WDR75: variants seen among roughly 807,000 people sequenced by gnomAD.
WDR75 encodes WD repeat domain 75.
In WDR75, 52 loss-of-function variants were observed where a neutral mutation model predicts 106.1. The observed-to-expected ratio is 0.49, with a 90% CI of 0.39 to 0.62. The LOEUF (loss-of-function observed/expected upper bound fraction) is 0.62. Among genes scored for constraint, WDR75 ranks in the 20% least tolerant of loss-of-function variants. WDR75 has a pLI of 0.00. For synonymous variants in WDR75, 333 were observed against 335.5 expected (o/e 0.99, Z 0.08); for missense variants, 905 against 970.3 (o/e 0.93, Z 0.89).
chr2:189,457,347 T>C lies in WDR75; in HGVS notation c.535T>C (p.Ser179Pro). Residue 179 changes from serine (S) to proline (P), a missense_variant, in exon 6 of 21, where the codon TCT becomes CCT. Coordinates refer to ENST00000314761, the MANE Select transcript of WDR75 (RefSeq NM_032168.3). Reference protein sequence around the residue: ...YVAAVREFYLSVYFFKKKTTS... With the variant: ...YVAAVREFYLPVYFFKKKTTS... ...TGCTGCAGTACGGGAATTTTACTTG[T>C]CTGTTTATTTTTTCAAAAAGAAAAC... The C allele has an allele frequency of 6.2e-7, 1 of 1,605,168 alleles. No individual in the cohort carries two copies. Among genetic ancestry groups the C allele is most frequent in the Non-Finnish European group, 8.5e-7 (1 of 1,172,976 alleles).
At chr2:189,451,180 A>T (rs1686615172) in intron 3 of WDR75, among the ~76,000 whole-genome samples, 1 of 152,248 alleles carries the variant, frequency 6.6e-6, no homozygotes, top group Non-Finnish European at 1.5e-5. Context: ...AAAAGATATT[A>T]TTCCAAATAT....
chr2:189,457,462 C>A, intron 6 of WDR75, 81 bp downstream of exon 6: 1 of 866,882 alleles, frequency 1.2e-6, no homozygotes, highest in Non-Finnish European at 1.8e-6. Flanking sequence ...ACCTATAGTC[C>A]AAAGCTATTC....
intron 1 of WDR75, among the ~76,000 whole-genome samples, chr2:189,446,105 G>T (rs1686494401): frequency 6.6e-6 from 1 of 152,166 alleles, no homozygotes. Context: ...TGTGTCTGGG[G>T]GATGGGGGAA....
rs530458905 is a variant in WDR75, at chr2:189,443,150, A to G, written c.86+1572A>G. Among the ~76,000 whole-genome samples, 6 of 152,364 alleles carry G rather than the reference A, an allele frequency of 3.9e-5. No homozygotes were observed. In the East Asian group the frequency reaches 1.2e-3, roughly 29 times the overall value. ...AGTCTAGTGAGGAAAAGGAATACTC[A>G]GTAACAGATTTTTCTTACTGTGGTC... On this transcript the variant is annotated intron_variant, in intron 1 of 20. Transcript: ENST00000314761.
intron 15 of WDR75, among the ~76,000 whole-genome samples, chr2:189,468,946 TAACAAA>T (rs1490806807): frequency 6.6e-6 from 1 of 152,178 alleles, no homozygotes; most frequent in East Asian, 1.9e-4. Flanking sequence ...ATCACAGTCC[TAACAAA>T]TGTGAACTTA....
chr2:189,442,074 A>T (rs970978298), intron 1 of WDR75, among the ~76,000 whole-genome samples: 1 of 152,184 alleles, frequency 6.6e-6, no homozygotes, highest in Non-Finnish European at 1.5e-5. Context: ...ATACGCTAAG[A>T]CTTGGTCTCT....
At chr2:189,450,346 T>G (rs1430230143) in intron 2 of WDR75, 5 of 942,666 alleles carry the variant, frequency 5.3e-6, no homozygotes, top group African/African-American at 2.0e-5. Context: ...TGGGTGTTTT[T>G]GTTTTGTTTT....
chr2:189,459,508 T>C, intron 8 of WDR75, 84 bp downstream of exon 8: 1 of 1,317,450 alleles, frequency 7.6e-7, no homozygotes, highest in South Asian at 1.3e-5. Flanking sequence ...GTTTGGAAGA[T>C]TTAAAACTGC....
chr2:189,446,328 G>A (rs1020672746), intron 1 of WDR75, among the ~76,000 whole-genome samples: 1 of 152,194 alleles, frequency 6.6e-6, no homozygotes, highest in Non-Finnish European at 1.5e-5. Context: ...TGCATTGAAG[G>A]ACTGTACCTG....
intron 5 of WDR75, chr2:189,455,726 A>G (rs948219934): frequency 9.7e-6 from 2 of 206,410 alleles, no homozygotes; most frequent in African/African-American, 4.6e-5. Context: ...ATTAATGTTT[A>G]TAATTAATAT....
At chr2:189,464,260 C>A in intron 11 of WDR75, 2 of 296,576 alleles carry the variant, frequency 6.7e-6, no homozygotes, top group Non-Finnish European at 6.2e-6. Flanking sequence ...GATAAAGAAA[C>A]AAAAATAGGT....
In WDR75 at chr2:189,468,703, A is replaced by G; in HGVS notation, c.1723+134A>G. ...TAGTCAGTTTTTTACGTGACATATG[A>G]TGCCACCAAAATTTGGAATACTGGG... On this transcript the variant is annotated intron_variant, in intron 15 of 20. Coordinates refer to ENST00000314761, the MANE Select transcript of WDR75 (RefSeq NM_032168.3). 3 of 761,598 alleles carry G rather than the reference A, an allele frequency of 3.9e-6. No homozygotes were observed. The South Asian group carries it at 5.8e-5, about 15-fold the overall frequency. The allele number at this position is 761,598 out of a possible 1,614,324, so 47.2% of individuals were successfully genotyped here.
chr2:189,471,293 G>T (rs926019510), intron 18 of WDR75, among the ~76,000 whole-genome samples: 1 of 152,016 alleles, frequency 6.6e-6, no homozygotes, highest in Non-Finnish European at 1.5e-5. Flanking sequence ...ATCTATTGAC[G>T]CTGAATTTTT....
chr2:189,449,297 C>G, intron 2 of WDR75: 1 of 1,303,384 alleles, frequency 7.7e-7, no homozygotes, highest in Non-Finnish European at 1.0e-6. Context: ...TTGCCATTCA[C>G]TTTTATTCCA....
At chr2:189,441,658 G>A (rs1356608249) in intron 1 of WDR75, 80 bp downstream of exon 1, 1 of 1,469,962 alleles carries the variant, frequency 6.8e-7, no homozygotes, top group Non-Finnish European at 9.3e-7. Flanking sequence ...ATTGTCAGTC[G>A]CGTTCGGACT....
intron 1 of WDR75, among the ~76,000 whole-genome samples, chr2:189,446,051 T>A (rs1175929242): frequency 1.3e-5 from 2 of 152,132 alleles, no homozygotes. Flanking sequence ...CCCACCACTG[T>A]CTCAAGGAAG....
chr2:189,451,072 C>A (rs1686613326), intron 3 of WDR75, 104 bp downstream of exon 3: 3 of 1,328,254 alleles, frequency 2.3e-6, no homozygotes, highest in Non-Finnish European at 2.9e-6. Context: ...AAATAGACTT[C>A]CTAAACAAGT....
At chr2:189,455,483 A>C (rs759189685) in intron 5 of WDR75, 39 bp downstream of exon 5, 1 of 1,583,110 alleles carries the variant, frequency 6.3e-7, no homozygotes, top group South Asian at 1.2e-5. Context: ...TTGTACCTAA[A>C]ATTTCTTTCC....
chr2:189,448,242 G>C, intron 1 of WDR75, 137 bp from the exon 2 acceptor site: 1 of 864,658 alleles, frequency 1.2e-6, no homozygotes, highest in Non-Finnish European at 1.6e-6. Context: ...TCAGCATTTT[G>C]GGAGGCCCAG....
Sources: gnomAD v4.1 joint callset for allele counts (sites outside exome capture counted in the v4.1 genomes callset) on GRCh38, gnomAD v4.1.1 for gene constraint, MANE v1.5 for transcripts, NCBI Gene and HGNC (gene_info 2026-07-23, HGNC 2026-07-21) for gene names.